The following NOX3 variants were observed in gnomAD, a reference collection of about 807,000 sequenced individuals.
NOX3 encodes the protein NADPH oxidase catalytic subunit-like 3.
Under a neutral mutation model 76.7 loss-of-function variants are expected in NOX3, and 74 were observed. The ratio of observed to expected loss-of-function variants is 0.96; its 90% confidence interval spans 0.80 to 1.17. The LOEUF is 1.17. Ranked by LOEUF, NOX3 falls within the 50% of genes most tolerant of loss-of-function variation. NOX3 has a pLI of 0.00. For synonymous variants in NOX3, 263 were observed against 261.1 expected, an observed-to-expected ratio of 1.01 and a Z score of -0.07; for missense variants, 695 against 703.3, an observed-to-expected ratio of 0.99 and a Z score of 0.13.
rs926143457 is a variant in NOX3 at position 155,439,965 on chromosome 6, T to C, written c.659A>G (p.His220Arg). ...FIVFFLSLAI[H>R]GTGRIVRGQT... The stretch of plus-strand genomic sequence containing the variant: ...CGCAGTATGGACTTACCCCGTCCCA[T>C]GGATGGCCAGGCTGAGAAAGAAGAC... The change falls in exon 6 of 14, where the codon CAT (histidine) becomes CGT (arginine). Residue 220 changes from histidine (H) to arginine (R), a missense_variant. Physicochemically the swap from His to Arg is conservative, Grantham distance 29. Transcript: ENST00000159060. The C allele has an allele frequency of 7.4e-6, 12 of 1,613,574 alleles. No individual in the cohort carries two copies. The highest frequency in any genetic ancestry group is 2.2e-5 in the East Asian group (1 of 44,880).
intron 11 of NOX3, among the ~76,000 whole-genome samples, 200 bp from the exon 12 acceptor site, chr6:155,407,454 C>T (rs1776479688): frequency 6.6e-6 from 1 of 152,192 alleles, no homozygotes; most frequent in Admixed American, 6.5e-5. Flanking sequence ...TGAATCAGGC[C>T]TTGTTGGAAC....
intron 12 of NOX3, among the ~76,000 whole-genome samples, chr6:155,406,621 T>C (rs1280566362): frequency 6.6e-6 from 1 of 152,168 alleles, no homozygotes; most frequent in Non-Finnish European, 1.5e-5. Flanking sequence ...TTTTCTGCAG[T>C]TTGCAGAGGA....
intron 9 of NOX3, among the ~76,000 whole-genome samples, chr6:155,424,020 C>T (rs1776725839): frequency 6.6e-6 from 1 of 152,106 alleles, no homozygotes; most frequent in Non-Finnish European, 1.5e-5. Context: ...GGATTACAGG[C>T]GTGAGCCACT....
rs1321579673 is a variant in NOX3 at position 155,440,049 on chromosome 6, G to A, written c.575C>T (p.Thr192Ile). Residue 192 changes from threonine to isoleucine, a missense_variant, in exon 6 of 14, where the codon ACT (threonine) becomes ATT (isoleucine). Physicochemically the swap from Thr to Ile is moderately conservative, Grantham distance 89. Transcript: ENST00000159060. ...LALVLIMTSSTEFIRQASYEL... is the reference protein window; with the variant it reads ...LALVLIMTSSIEFIRQASYEL... ...ATAGGAGGCCTGTCTGATGAACTCA[G>A]TTGACGAGGTCATGATCAAGACTAA... 6.2e-7 allele frequency: 1 copy of A among 1,613,840 alleles called. No individual in the cohort carries two copies. The highest frequency in any genetic ancestry group is 2.2e-5 in the East Asian group (1 of 44,886).
intron 10 of NOX3, among the ~76,000 whole-genome samples, 197 bp from the exon 11 acceptor site, chr6:155,411,557 A>T (rs1187060909): frequency 6.6e-6 from 1 of 152,204 alleles, no homozygotes; most frequent in Non-Finnish European, 1.5e-5. Flanking sequence ...GTGTTTGAAA[A>T]AGCCCAGAGT....
At chr6:155,445,981 C>CTGTA (rs1777059282) in intron 4 of NOX3, among the ~76,000 whole-genome samples, 1 of 104,200 alleles carries the variant, frequency 9.6e-6, no homozygotes, top group Non-Finnish European at 2.1e-5. Flanking sequence ...TATATATATG[C>CTGTA]TATATATATA....
chr6:155,422,719 G>A lies in NOX3; in HGVS notation c.1283C>T (p.Ala428Val), dbSNP rs950994262. Residue 428 changes from alanine (A) to valine (V), a missense_variant, in exon 10 of 14, where the codon GCA becomes GTA. Coordinates refer to ENST00000159060, the MANE Select transcript of NOX3 (RefSeq NM_015718.3). ...LKSIWYKCSE[A>V]QTPLKLSKVY... ...CTTGCTCAGCTTCAGTGGGGTCTGT[G>A]CCTCACTGCATTTGTACCATATAGA... 2.5e-6 allele frequency: 4 copies of A among 1,613,998 alleles called. No homozygotes were observed. Among genetic ancestry groups the A allele is most frequent in the Non-Finnish European group, 3.4e-6 (4 of 1,179,974 alleles).
At chr6:155,437,397 C>A (rs897941969) in intron 6 of NOX3, among the ~76,000 whole-genome samples, 1 of 152,218 alleles carries the variant, frequency 6.6e-6, no homozygotes, top group Admixed American at 6.5e-5. Flanking sequence ...TAGCATCACA[C>A]AGACTTATGT....
intron 7 of NOX3, among the ~76,000 whole-genome samples, chr6:155,435,475 C>T (rs1201317296): frequency 1.3e-5 from 2 of 152,160 alleles, no homozygotes; most frequent in East Asian, 3.9e-4. Flanking sequence ...ATCATTCCTC[C>T]TAGTACTTTC....
At position 155,410,335 on chromosome 6, in the gene NOX3, G is replaced by A. The variant is rs140657675; in HGVS notation, c.1455+879C>T. Among the ~76,000 whole-genome samples, 856 of 150,206 alleles carry A rather than the reference G, an allele frequency of 5.7e-3. 8 individuals carry two copies. The highest frequency in any genetic ancestry group is 0.02 in the African/African-American group (816 of 40,490). Reference sequence around the variant, plus strand: ...TGTGTGTGTGCGCACGCATGTGTGTGTATGTGTGATGTACATACACAGAGC... The same window carrying A: ...TGTGTGTGTGCGCACGCATGTGTGTATATGTGTGATGTACATACACAGAGC... On this transcript the variant is annotated intron_variant, in intron 11 of 13. Transcript: ENST00000159060.
intron 4 of NOX3, among the ~76,000 whole-genome samples, chr6:155,452,604 A>G (rs1260832472): frequency 6.6e-6 from 1 of 151,430 alleles, no homozygotes; most frequent in Non-Finnish European, 1.5e-5. Flanking sequence ...GCTTAATTAA[A>G]TTCACATTTG....
At chr6:155,407,636 C>T (rs1776481415) in intron 11 of NOX3, among the ~76,000 whole-genome samples, 1 of 152,244 alleles carries the variant, frequency 6.6e-6, no homozygotes, top group African/African-American at 2.4e-5. Flanking sequence ...CTGCTATCCC[C>T]TTTCACTTAA....
At chr6:155,435,135 G>A (rs1163545246) in intron 7 of NOX3, among the ~76,000 whole-genome samples, 1 of 152,170 alleles carries the variant, frequency 6.6e-6, no homozygotes, top group Non-Finnish European at 1.5e-5. Flanking sequence ...CAAATAATGG[G>A]AGAGAGTGAC....
Position 155,397,088 on chromosome 6 carries a change from G to T in NOX3, c.1581-126C>A, listed in dbSNP as rs763477708. On this transcript the variant is annotated intron_variant, in intron 12 of 13. Transcript: ENST00000159060. ...TTATTTATTTTTCTCCCTCCATGTC[G>T]TTTTTTCTTAGATTCTTTTTTTCTA... is the stretch of plus-strand genomic sequence containing the variant. 1.5e-5 allele frequency: 13 copies of T among 874,418 alleles called. No homozygotes were observed. In the African/African-American group the frequency reaches 1.6e-4, roughly 10 times the overall value. The allele number at this position is 874,418 out of a possible 1,614,324, so 54.2% of individuals were successfully genotyped here.
chr6:155,454,812 A>G lies in NOX3; in HGVS notation c.254T>C (p.Ile85Thr). 1 of 1,540,312 alleles carries G rather than the reference A, an allele frequency of 6.5e-7. No homozygotes were observed. Among genetic ancestry groups the G allele is most frequent in the Non-Finnish European group, 8.8e-7 (1 of 1,131,266 alleles). Residue 85 changes from isoleucine to threonine, a missense_variant and splice_region_variant, in exon 3 of 14, where the codon ATT becomes ACT. Physicochemically the swap from Ile to Thr is moderately conservative, Grantham distance 89. Coordinates refer to ENST00000159060, the MANE Select transcript of NOX3 (RefSeq NM_015718.3). Reference protein sequence around the residue: ...NLISFIRGTSICCRGPWRRQL... With the variant: ...NLISFIRGTSTCCRGPWRRQL... ...TATTTCAGATATTTTAGTACTTACA[A>G]TACTTGTTCCTCTTATGAATGAAAT...
At chr6:155,450,398 A>G (rs915911325) in intron 4 of NOX3, among the ~76,000 whole-genome samples, 2 of 152,176 alleles carry the variant, frequency 1.3e-5, no homozygotes, top group African/African-American at 4.8e-5. Context: ...TGAACAACTC[A>G]TGCATATGTG....
At chr6:155,435,070 G>A (rs1004875772) in intron 7 of NOX3, among the ~76,000 whole-genome samples, 6 of 152,096 alleles carry the variant, frequency 3.9e-5, no homozygotes, top group African/African-American at 1.4e-4. Context: ...ATATCGTACA[G>A]TTCAGCCAAG....
chr6:155,422,681 G>C lies in NOX3; in HGVS notation c.1308+13C>G, dbSNP rs1347998034. On this transcript the variant is annotated intron_variant, in intron 10 of 13. Transcript: ENST00000159060. Reference sequence around the variant, plus strand: ...TTAATCCATGGAAGGGTGAACTAATGATTTTTCCGTACCTTGCTCAGCTTC... The same window carrying C: ...TTAATCCATGGAAGGGTGAACTAATCATTTTTCCGTACCTTGCTCAGCTTC... The C allele has an allele frequency of 6.2e-7, 1 of 1,612,846 alleles. No individual in the cohort carries two copies.
At chr6:155,407,064 CT>C in intron 12 of NOX3, 65 bp downstream of exon 12, 1 of 1,589,484 alleles carries the variant, frequency 6.3e-7, no homozygotes, top group African/African-American at 1.3e-5. Flanking sequence ...TAACTTTTCA[CT>C]CCAGCAGCCC....
Sources: allele counts gnomAD v4.1 joint callset (sites outside exome capture counted in the v4.1 genomes callset), GRCh38; gene constraint gnomAD v4.1.1; transcripts MANE v1.5; gene names NCBI Gene and HGNC (gene_info 2026-07-23, HGNC 2026-07-21).